KBTBD3: variants seen among roughly 807,000 people sequenced by gnomAD.
The protein encoded by KBTBD3 is kelch repeat and BTB domain-containing protein 3.
A neutral mutation model predicts 49.6 loss-of-function variants in KBTBD3; 38 were observed. That is an observed-to-expected ratio of 0.77 (90% CI 0.59 to 1.00). The LOEUF is 1.00. Among genes scored for constraint, KBTBD3 ranks in the 50% least tolerant of loss-of-function variants. The pLI is 0.00. For synonymous variants in KBTBD3, 214 were observed against 250.4 expected (o/e 0.85, Z 1.37); for missense variants, 661 against 712.0 (o/e 0.93, Z 0.81).
At chr11:106,075,176 TACAG>T (rs1861003783) in intron 2 of KBTBD3, among the ~76,000 whole-genome samples, 1 of 152,206 alleles carries the variant, frequency 6.6e-6, no homozygotes, top group South Asian at 2.1e-4. Context: ...AGATGATCAT[TACAG>T]ACTGAGTGAG....
At chr11:106,061,462 C>T (rs1288117180) in intron 2 of KBTBD3, among the ~76,000 whole-genome samples, 1 of 152,192 alleles carries the variant, frequency 6.6e-6, no homozygotes, top group East Asian at 1.9e-4. Context: ...AGAGTGCCCA[C>T]ATTTTTGGTT....
rs1454106264 is a variant in KBTBD3 at position 106,053,334 on chromosome 11, C to T, written c.1355G>A (p.Cys452Tyr). ...RGIYYPEAST[C>Y]QNVIYVLGSE... is the part of the protein sequence containing the mutation. Reference sequence around the variant, plus strand: ...TCCAAGAACATAAATTACATTTTGGCATGTGCTTGCTTCTGGATAGTATAT... The same window carrying T: ...TCCAAGAACATAAATTACATTTTGGTATGTGCTTGCTTCTGGATAGTATAT... Residue 452 changes from cysteine to tyrosine, a missense_variant, in exon 4 of 4, where the codon TGC becomes TAC. Physicochemically the swap from Cys to Tyr is radical, Grantham distance 194 (BLOSUM62 -2). Coordinates refer to ENST00000531837, the MANE Select transcript of KBTBD3 (RefSeq NM_198439.3). 1.2e-6 allele frequency: 2 copies of T among 1,613,288 alleles called. No homozygotes were observed. The highest frequency in any genetic ancestry group is 2.7e-5 in the African/African-American group (2 of 75,010).
intron 2 of KBTBD3, among the ~76,000 whole-genome samples, chr11:106,063,723 G>A (rs965800616): frequency 1.3e-5 from 2 of 152,080 alleles, no homozygotes; most frequent in African/African-American, 2.4e-5. Flanking sequence ...ACATGGTCAA[G>A]AGATCGACAC....
At chr11:106,072,881 G>A (rs576809463) in intron 2 of KBTBD3, among the ~76,000 whole-genome samples, 17 of 152,230 alleles carry the variant, frequency 1.1e-4, no homozygotes, top group Middle Eastern at 6.8e-3. Flanking sequence ...GACAGACATG[G>A]TCCCTGCTTT....
Position 106,052,823 on chromosome 11 carries a change from A to G in KBTBD3, c.*27T>C, listed in dbSNP as rs1375741893. 2 of 1,562,990 alleles carry G rather than the reference A, an allele frequency of 1.3e-6. No individual in the cohort carries two copies. The highest frequency in any genetic ancestry group is 2.4e-5 in the South Asian group (2 of 84,066). Reference sequence around the variant, plus strand: ...TTGGTTAACAAATTTACTTTAGGTTACTAGAACTGGACTCGTTTTAGAATG... The same window carrying G: ...TTGGTTAACAAATTTACTTTAGGTTGCTAGAACTGGACTCGTTTTAGAATG... On this transcript the variant is annotated 3_prime_UTR_variant, in exon 4 of 4. Transcript: ENST00000531837.
chr11:106,056,936 G>C (rs1022335152), intron 3 of KBTBD3, among the ~76,000 whole-genome samples: 3 of 152,162 alleles, frequency 2.0e-5, no homozygotes, highest in African/African-American at 7.2e-5. Flanking sequence ...AAGAATGGCA[G>C]AGTATAAGAC....
chr11:106,059,597 A>G (rs1163258175), intron 2 of KBTBD3, among the ~76,000 whole-genome samples: 1 of 152,222 alleles, frequency 6.6e-6, no homozygotes, highest in Non-Finnish European at 1.5e-5. Flanking sequence ...TAATTGGTTG[A>G]AAAAGATCAG....
chr11:106,059,062 A>T lies in KBTBD3; in HGVS notation c.36T>A (p.Asn12Lys), dbSNP rs572638258. Residue 12 changes from asparagine to lysine, a missense_variant, in exon 3 of 4, where the codon AAT (asparagine) becomes AAA (lysine). By Grantham distance (94) the Asn-to-Lys change is moderately conservative (BLOSUM62 0). Transcript: ENST00000531837. ...GAATTCCATTACATGTGCTTCGTTG[A>T]TTGAAAGCATATGAATTATCCATAG... ...ELAMDNSYAF[N>K]QRSTCNGIPS... is the part of the protein sequence containing the mutation. The T allele has an allele frequency of 6.4e-7, 1 of 1,552,682 alleles. No homozygotes were observed. The highest frequency in any genetic ancestry group is 8.6e-7 in the Non-Finnish European group (1 of 1,161,308).
At chr11:106,055,719 T>G (rs898240225) in intron 3 of KBTBD3, among the ~76,000 whole-genome samples, 1 of 152,192 alleles carries the variant, frequency 6.6e-6, no homozygotes, top group Non-Finnish European at 1.5e-5. Context: ...GTGCTTCAAA[T>G]TCTTCATCTG....
At chr11:106,071,741 G>A (rs1860921638) in intron 2 of KBTBD3, among the ~76,000 whole-genome samples, 1 of 152,018 alleles carries the variant, frequency 6.6e-6, no homozygotes, top group Admixed American at 6.6e-5. Context: ...AGTCCTAAAT[G>A]GTTCATCACT....
chr11:106,075,954 A>G (rs1274497205), intron 2 of KBTBD3: 8 of 152,218 alleles, frequency 5.3e-5, no homozygotes. Flanking sequence ...AATTTAAACA[A>G]ATTCTCTTTC....
At chr11:106,060,097 T>C (rs1327159659) in intron 2 of KBTBD3, among the ~76,000 whole-genome samples, 2 of 152,108 alleles carry the variant, frequency 1.3e-5, no homozygotes, top group Non-Finnish European at 2.9e-5. Context: ...CTCATTCACG[T>C]TTCTTATGAT....
rs780999240 is a variant in KBTBD3, at chr11:106,053,196, TG to T, written c.1492del (p.His498MetfsTer4). The T allele has an allele frequency of 3.7e-6, 6 of 1,613,614 alleles. No individual in the cohort carries two copies. The highest frequency in any genetic ancestry group is 5.1e-6 in the Non-Finnish European group (6 of 1,179,782). On this transcript the variant is annotated frameshift_variant, in exon 4 of 4. Transcript: ENST00000531837. LOFTEE classifies it high-confidence loss of function. ...TGGTACAGCTTTAATTAATGTTGCA[TG>T]AAAAAATTGCCCAAACTCTGCTACT... The part of the protein sequence containing the change: ...ELVAEFGQFF[H>X]ATLIKAVPVN...
chr11:106,064,033 C>T (rs1415668121), intron 2 of KBTBD3, among the ~76,000 whole-genome samples: 1 of 152,138 alleles, frequency 6.6e-6, no homozygotes, highest in African/African-American at 2.4e-5. Flanking sequence ...ATTTCATTGA[C>T]ATTAATCAAT....
At position 106,051,384 on chromosome 11, in the gene KBTBD3, C is replaced by G. The variant is rs1860415504; in HGVS notation, c.*1466G>C. On this transcript the variant is annotated 3_prime_UTR_variant, in exon 4 of 4. Transcript: ENST00000531837. Reference sequence around the variant, plus strand: ...TTTTTAAACTTCATGAAAATGTACTCTGATATTCCATTCTGTTTTGAAAAA... The same window carrying G: ...TTTTTAAACTTCATGAAAATGTACTGTGATATTCCATTCTGTTTTGAAAAA... 6.6e-6 allele frequency: 1 copy of G among 151,904 alleles called. No homozygotes were observed. The highest frequency in any genetic ancestry group is 2.4e-5 in the African/African-American group (1 of 41,424). 9.4% of individuals were successfully genotyped at this position (151,904 alleles called of 1,614,324 possible). A position where few individuals can be genotyped will look rare whatever the true frequency, so the allele number is the denominator to read the frequency against.
At chr11:106,073,313 G>T (rs1022574270) in intron 2 of KBTBD3, among the ~76,000 whole-genome samples, 1 of 132,548 alleles carries the variant, frequency 7.5e-6, no homozygotes, top group Non-Finnish European at 1.6e-5. Context: ...TGTTACCCAA[G>T]TTGGTCTCAA....
At position 106,052,423 on chromosome 11, in the gene KBTBD3, T is replaced by C. The variant is rs1860437417; in HGVS notation, c.*427A>G. 1 of 154,090 alleles carries C rather than the reference T, an allele frequency of 6.5e-6. No individual in the cohort carries two copies. Among genetic ancestry groups the C allele is most frequent in the Admixed American group, 6.5e-5 (1 of 15,502 alleles). 9.5% of individuals were successfully genotyped at this position (154,090 alleles called of 1,614,324 possible). On this transcript the variant is annotated 3_prime_UTR_variant, in exon 4 of 4. Coordinates refer to ENST00000531837, the MANE Select transcript of KBTBD3 (RefSeq NM_198439.3). ...AAAGAAGTTAACCAATCATCACAAATGATAGGAATTCAACAACTCATACCC... is the reference window on the plus strand; with the variant it reads ...AAAGAAGTTAACCAATCATCACAAACGATAGGAATTCAACAACTCATACCC...
At position 106,051,393 on chromosome 11, in the gene KBTBD3, C is replaced by T. The variant is rs549529208; in HGVS notation, c.*1457G>A. The T allele has an allele frequency of 1.1e-3, 171 of 151,994 alleles. 1 individual carries two copies. The highest frequency in any genetic ancestry group is 3.9e-3 in the African/African-American group (162 of 41,502). 9.4% of individuals were successfully genotyped at this position (151,994 alleles called of 1,614,324 possible). A position where few individuals can be genotyped will look rare whatever the true frequency, so the allele number is the denominator to read the frequency against. The stretch of plus-strand genomic sequence containing the variant: ...TTCATGAAAATGTACTCTGATATTC[C>T]ATTCTGTTTTGAAAAATACATTTGG... On this transcript the variant is annotated 3_prime_UTR_variant, in exon 4 of 4. Coordinates refer to ENST00000531837, the MANE Select transcript of KBTBD3 (RefSeq NM_198439.3).
intron 2 of KBTBD3, 97 bp from the exon 3 acceptor site, chr11:106,059,206 A>G (rs1432357666): frequency 1.6e-6 from 1 of 611,206 alleles, no homozygotes; most frequent in East Asian, 3.3e-5. Context: ...AAAAATAACC[A>G]CTAAGAAAAA....
Sources: gnomAD v4.1 joint callset for allele counts (sites outside exome capture counted in the v4.1 genomes callset) on GRCh38, gnomAD v4.1.1 for gene constraint, MANE v1.5 for transcripts, NCBI Gene and HGNC (gene_info 2026-07-23, HGNC 2026-07-21) for gene names.